The following SELP variants were observed in gnomAD, a reference collection of about 807,000 sequenced individuals.
SELP encodes the protein selectin P.
SELP carries 92 observed loss-of-function variants against 104.1 expected under a neutral mutation model. The ratio of observed to expected loss-of-function variants is 0.88; its 90% CI spans 0.75 to 1.05. The LOEUF (loss-of-function observed/expected upper bound fraction) is 1.05, where lower values mean the gene tolerates loss of function less well. Among genes scored for constraint, SELP ranks in the 50% least tolerant of loss-of-function variants. SELP has a pLI of 0.00. For missense variants in SELP, 1,022 were observed against 1,017.3 expected (o/e 1.00, Z -0.06); for synonymous variants, 397 against 364.5 (o/e 1.09, Z -1.01).
At chr1:169,618,151 G>C (rs1662917624) in intron 2 of SELP, among the ~76,000 whole-genome samples, 1 of 152,120 alleles carries the variant, frequency 6.6e-6, no homozygotes, top group Admixed American at 6.5e-5. Flanking sequence ...TTTAGCTTTG[G>C]ATCCTTAGCA....
At chr1:169,592,410 A>G (rs1485346672) in intron 14 of SELP, among the ~76,000 whole-genome samples, 1 of 152,238 alleles carries the variant, frequency 6.6e-6, no homozygotes, top group Non-Finnish European at 1.5e-5. Flanking sequence ...GAGAAATTCA[A>G]TGAGATCTCT....
chr1:169,629,180 T>C (rs1663518799), intron 1 of SELP, among the ~76,000 whole-genome samples: 1 of 152,168 alleles, frequency 6.6e-6, no homozygotes, highest in Admixed American at 6.5e-5. Context: ...CATTGCTGAG[T>C]TCAAAATGCC....
chr1:169,617,479 G>A, intron 2 of SELP, 65 bp from the exon 3 acceptor site: 2 of 1,511,024 alleles, frequency 1.3e-6, no homozygotes, highest in East Asian at 4.5e-5. Context: ...GTGATCCCAA[G>A]TATGCTTCTG....
intron 1 of SELP, among the ~76,000 whole-genome samples, chr1:169,624,573 A>G (rs1663283752): frequency 6.6e-6 from 1 of 152,084 alleles, no homozygotes; most frequent in Non-Finnish European, 1.5e-5. Flanking sequence ...ACATGGTAAA[A>G]CCTCGTCTCT....
At chr1:169,608,495 A>G (rs1428898753) in intron 8 of SELP, among the ~76,000 whole-genome samples, 1 of 152,174 alleles carries the variant, frequency 6.6e-6, no homozygotes. Context: ...TTCACTTAGC[A>G]TAATGTCTTC....
rs764762476 is a variant in SELP at position 169,603,157 on chromosome 1, T to G, written c.1574A>C (p.Gln525Pro). 6.2e-7 allele frequency: 1 copy of G among 1,613,982 alleles called. No homozygotes were observed. The highest frequency in any genetic ancestry group is 1.3e-5 in the African/African-American group (1 of 74,894). The change falls in exon 10 of 17, where the codon CAA becomes CCA. Residue 525 changes from glutamine (Q) to proline (P), a missense_variant. Gln to Pro is a moderately conservative substitution (Grantham distance 76). Coordinates refer to ENST00000263686, the MANE Select transcript of SELP (RefSeq NM_003005.4). ...SPQNGTMTCV[Q>P]PLGSSSYKST... ...TTTATAACTGGAACTTCCAAGAGGT[T>G]GAACACAGGTCATTGTTCCATTCTG...
Position 169,604,967 on chromosome 1 carries a change from T to G in SELP, c.1520-1756A>C, listed in dbSNP as rs144815866. On this transcript the variant is annotated intron_variant, in intron 9 of 16. Coordinates refer to ENST00000263686, the MANE Select transcript of SELP (RefSeq NM_003005.4). ...TCCTGCCCAGCCCACATTTGGGTAT[T>G]TCACTTGATGTGCACCCAGCAACAA... Among the ~76,000 whole-genome samples, 1,050 of 152,288 alleles carry G rather than the reference T, an allele frequency of 6.9e-3. 14 individuals carry two copies. Among genetic ancestry groups the G allele is most frequent in the African/African-American group, 0.024 (1,000 of 41,544 alleles).
intron 11 of SELP, among the ~76,000 whole-genome samples, chr1:169,596,443 C>T (rs562686900): frequency 6.6e-6 from 1 of 152,254 alleles, no homozygotes; most frequent in South Asian, 2.1e-4. Context: ...CAGCAGAAAG[C>T]CAAATATACA....
intron 6 of SELP, 107 bp from the exon 7 acceptor site, chr1:169,611,784 T>C (rs1249333255): frequency 2.7e-6 from 3 of 1,112,186 alleles, no homozygotes; most frequent in Non-Finnish European, 3.9e-6. Flanking sequence ...GCTAGCAAGA[T>C]GTAAAGGTCA....
rs1367008395 is a variant in SELP at position 169,630,055 on chromosome 1, GA to G, written c.3+16del. Reference sequence around the variant, plus strand: ...ACTCACTTCAACCACTTCCCATGCAGAAAAAAATAAACTCACCATCTCCTCT... The same window carrying G: ...ACTCACTTCAACCACTTCCCATGCAGAAAAAATAAACTCACCATCTCCTCT... On this transcript the variant is annotated intron_variant, in intron 1 of 16. Transcript: ENST00000263686. 1.2e-6 allele frequency: 2 copies of G among 1,614,060 alleles called. No homozygotes were observed. Among genetic ancestry groups the G allele is most frequent in the South Asian group, 2.2e-5 (2 of 91,074 alleles).
intron 1 of SELP, among the ~76,000 whole-genome samples, chr1:169,629,234 C>A (rs1483301257): frequency 6.6e-6 from 1 of 152,096 alleles, no homozygotes; most frequent in African/African-American, 2.4e-5. Flanking sequence ...AGCCTAACCA[C>A]GTGCATCTTA....
At chr1:169,594,633 A>G in intron 13 of SELP, 59 bp downstream of exon 13, 2 of 1,534,628 alleles carry the variant, frequency 1.3e-6, no homozygotes, top group Non-Finnish European at 1.8e-6. Context: ...CAGGGAAGAA[A>G]CACTGATTTT....
At position 169,607,113 on chromosome 1, in the gene SELP, G is replaced by C; in HGVS notation, c.1355C>G (p.Pro452Arg). The C allele has an allele frequency of 6.2e-7, 1 of 1,602,304 alleles. No individual in the cohort carries two copies. The highest frequency in any genetic ancestry group is 8.5e-7 in the Non-Finnish European group (1 of 1,170,328). ...GTTCACCCGGGCCTCATTTGGAACT[G>C]GGAGATCCTGGCACTGCAAAGCTAA... ...VCQALQCQDLPVPNEARVNCS... is the reference protein window; with the variant it reads ...VCQALQCQDLRVPNEARVNCS... Residue 452 changes from proline (P) to arginine (R), a missense_variant, in exon 9 of 17, where the codon CCA becomes CGA. Physicochemically the swap from Pro to Arg is moderately radical, Grantham distance 103. Transcript: ENST00000263686.
chr1:169,622,086 A>C (rs1663164221), intron 1 of SELP, among the ~76,000 whole-genome samples: 1 of 152,258 alleles, frequency 6.6e-6, no homozygotes, highest in African/African-American at 2.4e-5. Context: ...ACTTTATAAG[A>C]GAAAAATTAT....
intron 9 of SELP, among the ~76,000 whole-genome samples, chr1:169,606,131 A>G (rs1050385271): frequency 5.9e-5 from 9 of 152,210 alleles, no homozygotes; most frequent in African/African-American, 2.2e-4. Context: ...AGCCTAGCTA[A>G]GATGGTGAAA....
At chr1:169,590,677 C>T (rs777826643) in intron 15 of SELP, among the ~76,000 whole-genome samples, 34 of 152,232 alleles carry the variant, frequency 2.2e-4, no homozygotes, top group African/African-American at 6.7e-4. Flanking sequence ...TCCTCCAGGA[C>T]GGAAATGTCT....
chr1:169,595,899 G>A, intron 12 of SELP, 26 bp downstream of exon 12: 1 of 1,607,022 alleles, frequency 6.2e-7, no homozygotes, highest in Non-Finnish European at 8.5e-7. Context: ...GGCAGGTTCA[G>A]AACTGCCTGC....
rs1662589429 is a variant in SELP, at chr1:169,612,416, C to T, written c.776-14G>A. 2 of 1,613,586 alleles carry T rather than the reference C, an allele frequency of 1.2e-6. No homozygotes were observed. The highest frequency in any genetic ancestry group is 2.2e-5 in the South Asian group (2 of 91,046). On this transcript the variant is annotated splice_polypyrimidine_tract_variant and intron_variant, in intron 5 of 16. Transcript: ENST00000263686. ...GGCACTGGGCAGCTAAAACCAACCA[C>T]AGAATAATAGTGTGAGTCCTTGGAC...
intron 4 of SELP, 82 bp downstream of exon 4, chr1:169,613,504 G>C: frequency 9.4e-7 from 1 of 1,061,706 alleles, no homozygotes; most frequent in Middle Eastern, 2.2e-4. Flanking sequence ...TCTCACTGGA[G>C]AGACTTCAAC....
Sources: gnomAD v4.1 joint callset for allele counts (sites outside exome capture counted in the v4.1 genomes callset) on GRCh38, gnomAD v4.1.1 for gene constraint, MANE v1.5 for transcripts, NCBI Gene and HGNC (gene_info 2026-07-23, HGNC 2026-07-21) for gene names.